UBE2K: variants seen among roughly 807,000 people sequenced by gnomAD.
The protein encoded by UBE2K is ubiquitin-conjugating enzyme E2 K.
Under a neutral mutation model 30.0 loss-of-function variants are expected in UBE2K, and 6 were observed. That is an observed-to-expected ratio of 0.20 (90% CI 0.11 to 0.39). UBE2K has a LOEUF of 0.39. Ranked by LOEUF, UBE2K falls within the 10% of genes least tolerant of loss-of-function variation. The probability of loss-of-function intolerance (pLI) is 1.00; values close to 1 mark genes in which losing one functional copy is unlikely to be tolerated. For missense variants in UBE2K, 61 were observed against 241.6 expected (o/e 0.25, Z 4.96); for synonymous variants, 86 against 83.7 (o/e 1.03, Z -0.15).
chr4:39,712,844 T>C (rs956224567), intron 1 of UBE2K, among the ~76,000 whole-genome samples: 21 of 151,946 alleles, frequency 1.4e-4, no homozygotes, highest in Non-Finnish European at 1.6e-4. Flanking sequence ...ATTAGGCTTT[T>C]GTAAATTTAG....
chr4:39,717,234 CTTTCTTTTT>C (rs1306014307), intron 1 of UBE2K, among the ~76,000 whole-genome samples: 1 of 151,332 alleles, frequency 6.6e-6, no homozygotes, highest in East Asian at 1.9e-4. Flanking sequence ...CTTTTCTTTT[CTTTCTTTTT>C]TTTTTTTTAA....
chr4:39,760,070 G>T (rs761676204), intron 4 of UBE2K, among the ~76,000 whole-genome samples: 3 of 150,680 alleles, frequency 2.0e-5, no homozygotes, highest in African/African-American at 2.5e-5. Context: ...CCAGCTACTC[G>T]TGGGGCTGAG....
intron 1 of UBE2K, among the ~76,000 whole-genome samples, chr4:39,712,861 C>CTT (rs542180052): frequency 3.0e-5 from 4 of 133,708 alleles, no homozygotes; most frequent in Non-Finnish European, 3.2e-5. Flanking sequence ...TTAGTGTTTA[C>CTT]TTTTTTTTTT....
rs567021764 is a variant in UBE2K, at chr4:39,752,289, C to T, written c.217-3368C>T. ...GGACTGCAGTAGCTGGGACTACAGG[C>T]GCCCGCCATCACGCCTGGCTAATTT... On this transcript the variant is annotated intron_variant, in intron 3 of 6. Coordinates refer to ENST00000261427, the MANE Select transcript of UBE2K (RefSeq NM_005339.5). Among the ~76,000 whole-genome samples, 20 of 147,648 alleles carry T rather than the reference C, an allele frequency of 1.4e-4. No homozygotes were observed. In the South Asian group the frequency reaches 3.4e-3, roughly 25 times the overall value.
chr4:39,723,712 A>G (rs558696052), intron 1 of UBE2K, among the ~76,000 whole-genome samples: 1 of 152,314 alleles, frequency 6.6e-6, no homozygotes, highest in Admixed American at 6.5e-5. Flanking sequence ...AAAACTCAGA[A>G]TGTCTTTGTA....
At chr4:39,724,217 C>G (rs1719600608) in intron 1 of UBE2K, among the ~76,000 whole-genome samples, 1 of 151,792 alleles carries the variant, frequency 6.6e-6, no homozygotes, top group Non-Finnish European at 1.5e-5. Flanking sequence ...AAGTGATCCT[C>G]CAACCTCAGC....
chr4:39,706,393 G>A (rs1305349177), intron 1 of UBE2K, among the ~76,000 whole-genome samples: 1 of 149,108 alleles, frequency 6.7e-6, no homozygotes, highest in East Asian at 2.0e-4. Flanking sequence ...TAAACTCGCG[G>A]CCTCAGATGA....
At chr4:39,726,699 G>A (rs1719771648) in intron 1 of UBE2K, among the ~76,000 whole-genome samples, 2 of 152,118 alleles carry the variant, frequency 1.3e-5, no homozygotes, top group South Asian at 4.1e-4. Flanking sequence ...GGGCTCAGAC[G>A]ATTCTCCTCC....
chr4:39,740,946 C>T (rs1042987235), intron 2 of UBE2K, among the ~76,000 whole-genome samples: 8 of 150,664 alleles, frequency 5.3e-5, no homozygotes, highest in Middle Eastern at 3.4e-3. Flanking sequence ...TTCCCGATAC[C>T]GAGAATGGGA....
At chr4:39,746,496 A>G (rs1206644400) in intron 3 of UBE2K, among the ~76,000 whole-genome samples, 3 of 152,184 alleles carry the variant, frequency 2.0e-5, no homozygotes, top group African/African-American at 7.2e-5. Flanking sequence ...ATTTCTACTC[A>G]TTCTCTGCAC....
Position 39,779,430 on chromosome 4 carries a change from A to G in UBE2K, c.*996A>G, listed in dbSNP as rs1242319399. The G allele has an allele frequency of 6.6e-6, 1 of 152,592 alleles. No individual in the cohort carries two copies. The highest frequency in any genetic ancestry group is 1.5e-5 in the Non-Finnish European group (1 of 68,030). 9.5% of individuals were successfully genotyped at this position (152,592 alleles called of 1,614,324 possible). On this transcript the variant is annotated 3_prime_UTR_variant, in exon 7 of 7. Coordinates refer to ENST00000261427, the MANE Select transcript of UBE2K (RefSeq NM_005339.5). ...TTTTGGGGTCTATAGAGATTGCTTTATTGGATACTTCAAGTCATTCTTGCT... is the reference window on the plus strand; with the variant it reads ...TTTTGGGGTCTATAGAGATTGCTTTGTTGGATACTTCAAGTCATTCTTGCT...
At chr4:39,747,800 GT>G (rs892771277) in intron 3 of UBE2K, among the ~76,000 whole-genome samples, 5 of 142,146 alleles carry the variant, frequency 3.5e-5, no homozygotes, top group African/African-American at 1.3e-4. Flanking sequence ...TGTTGTTGTT[GT>G]TTTCTTTTTT....
intron 3 of UBE2K, among the ~76,000 whole-genome samples, chr4:39,747,608 TTTTG>T (rs1388038420): frequency 1.3e-5 from 2 of 152,072 alleles, no homozygotes; most frequent in African/African-American, 2.4e-5. Flanking sequence ...GATATTTGGA[TTTTG>T]TTTGTTTGTT....
At chr4:39,755,495 C>T (rs1721479172) in intron 3 of UBE2K, among the ~76,000 whole-genome samples, 162 bp from the exon 4 acceptor site, 1 of 152,224 alleles carries the variant, frequency 6.6e-6, no homozygotes, top group South Asian at 2.1e-4. Flanking sequence ...ATTCAGCTTA[C>T]TGGATCCTTT....
intron 1 of UBE2K, among the ~76,000 whole-genome samples, chr4:39,722,149 A>C (rs1011047102): frequency 6.6e-6 from 1 of 152,182 alleles, no homozygotes. Flanking sequence ...TTATCTACGT[A>C]ACGTTCACAG....
At chr4:39,744,920 ATAAAT>A (rs1462907964) in intron 2 of UBE2K, among the ~76,000 whole-genome samples, 73 of 150,380 alleles carry the variant, frequency 4.9e-4, no homozygotes, top group Non-Finnish European at 7.4e-4. Context: ...AAAAAAAAAA[ATAAAT>A]TAAATAAAAT....
chr4:39,698,815 C>G (rs541646501), intron 1 of UBE2K, among the ~76,000 whole-genome samples: 5 of 152,300 alleles, frequency 3.3e-5, no homozygotes, highest in African/African-American at 9.6e-5. Flanking sequence ...CGAAGGCCCA[C>G]ACTTTTGAGG....
chr4:39,704,282 GTTTTTA>G (rs1718206323), intron 1 of UBE2K, among the ~76,000 whole-genome samples: 1 of 151,740 alleles, frequency 6.6e-6, no homozygotes, highest in East Asian at 1.9e-4. Context: ...GGTTTTTAAA[GTTTTTA>G]TTTTTATTTT....
intron 4 of UBE2K, among the ~76,000 whole-genome samples, chr4:39,762,447 G>GGAAAA (rs1318497567): frequency 2.6e-5 from 4 of 152,096 alleles, no homozygotes. Flanking sequence ...TAATTTATAA[G>GGAAAA]GAAAAGAGGT....
Sources: allele counts gnomAD v4.1 joint callset (sites outside exome capture counted in the v4.1 genomes callset), GRCh38; gene constraint gnomAD v4.1.1; transcripts MANE v1.5; gene names NCBI Gene and HGNC (gene_info 2026-07-23, HGNC 2026-07-21).